The following GSR variants were observed in gnomAD, a reference collection of about 807,000 sequenced individuals.
GSR encodes the protein glutathione-disulfide reductase, also known as glutathione reductase, mitochondrial.
GSR carries 48 observed loss-of-function variants against 56.5 expected under a neutral mutation model. The observed-to-expected ratio is 0.85, with a 90% CI of 0.67 to 1.08. The LOEUF (loss-of-function observed/expected upper bound fraction) is 1.08, where lower values mean the gene tolerates loss of function less well. Among genes scored for constraint, GSR ranks in the 50% least tolerant of loss-of-function variants. GSR has a pLI of 0.00. For synonymous variants in GSR, 264 were observed against 270.8 expected, an observed-to-expected ratio of 0.97 and a Z score of 0.25; for missense variants, 694 against 703.3, an observed-to-expected ratio of 0.99 and a Z score of 0.15.
intron 12 of GSR, among the ~76,000 whole-genome samples, chr8:30,680,366 GC>G (rs1337084851): frequency 2.6e-4 from 38 of 144,862 alleles, no homozygotes; most frequent in Non-Finnish European, 4.2e-4. Context: ...ACAGCGCCTG[GC>G]CCTGGCCTCT....
chr8:30,711,119 G>A (rs377648620), intron 2 of GSR, among the ~76,000 whole-genome samples: 117 of 152,146 alleles, frequency 7.7e-4, no homozygotes, highest in Non-Finnish European at 2.8e-4. Flanking sequence ...CCTATACCAC[G>A]GAAAAGACTT....
At chr8:30,701,984 T>C (rs1392887264) in intron 5 of GSR, among the ~76,000 whole-genome samples, 1 of 150,456 alleles carries the variant, frequency 6.6e-6, no homozygotes, top group Non-Finnish European at 1.5e-5. Context: ...CTTAGTGAGC[T>C]GTGATCACAC....
rs1796083895 is a variant in GSR, at chr8:30,679,468, C to T, written c.*52G>A. ...AGTAAGTCAATGTGATTATTTGTTT[C>T]ATTTCAGAAGATCTATGGGTCCCAC... On this transcript the variant is annotated 3_prime_UTR_variant, in exon 13 of 13. Coordinates refer to ENST00000221130, the MANE Select transcript of GSR (RefSeq NM_000637.5). 6.5e-7 allele frequency: 1 copy of T among 1,547,510 alleles called. No homozygotes were observed. Among genetic ancestry groups the T allele is most frequent in the African/African-American group, 1.4e-5 (1 of 73,778 alleles).
Position 30,689,202 on chromosome 8 carries a change from C to T in GSR, c.1000G>A (p.Gly334Arg), listed in dbSNP as rs968581840. ...PDVDCLLWAIGRVPNTKDLSL... is the reference protein window; with the variant it reads ...PDVDCLLWAIRRVPNTKDLSL... ...AGGTCCTTGGTATTCGGGACCCGCC[C>T]AATGGCCCAGAGCAGGCAGTCAACA... Residue 334 changes from glycine to arginine, a missense_variant, in exon 9 of 13, where the codon GGG (glycine) becomes AGG (arginine). By Grantham distance (125) the Gly-to-Arg change is moderately radical (BLOSUM62 -2). Coordinates refer to ENST00000221130, the MANE Select transcript of GSR (RefSeq NM_000637.5). The T allele has an allele frequency of 6.2e-7, 1 of 1,614,048 alleles. No individual in the cohort carries two copies. Among genetic ancestry groups the T allele is most frequent in the Non-Finnish European group, 8.5e-7 (1 of 1,179,948 alleles).
intron 4 of GSR, among the ~76,000 whole-genome samples, chr8:30,704,213 T>G (rs1484209814): frequency 6.6e-6 from 1 of 152,092 alleles, no homozygotes; most frequent in Non-Finnish European, 1.5e-5. Context: ...TAATCCCAGC[T>G]GCTCAGGAGG....
intron 5 of GSR, among the ~76,000 whole-genome samples, chr8:30,701,027 C>T (rs1468374283): frequency 6.6e-6 from 1 of 152,094 alleles, no homozygotes; most frequent in Non-Finnish European, 1.5e-5. Flanking sequence ...TAGAACTGAA[C>T]CTTAATTTTA....
In GSR at chr8:30,678,950, G is replaced by A. The variant is rs1802840508; in HGVS notation, c.*570C>T. ...GGATCACCTGAAGGTGGGAGTTTGA[G>A]ACCAGCCTGACCAACATGGAGAAAC... On this transcript the variant is annotated 3_prime_UTR_variant, in exon 13 of 13. Transcript: ENST00000221130. The A allele has an allele frequency of 6.5e-6, 1 of 153,082 alleles. No homozygotes were observed. The highest frequency in any genetic ancestry group is 1.5e-5 in the Non-Finnish European group (1 of 68,820). The allele number at this position is 153,082 out of a possible 1,614,324, so 9.5% of individuals were successfully genotyped here. A position where few individuals can be genotyped will look rare whatever the true frequency, so the allele number is the denominator to read the frequency against.
At chr8:30,720,021 G>A (rs1804475879) in intron 1 of GSR, among the ~76,000 whole-genome samples, 1 of 152,044 alleles carries the variant, frequency 6.6e-6, no homozygotes, top group African/African-American at 2.4e-5. Flanking sequence ...ACCGGCCTGA[G>A]AAACATAGTA....
In GSR at chr8:30,681,808, C is replaced by T. The variant is rs1228309877; in HGVS notation, c.1285+122G>A. 15 of 931,376 alleles carry T rather than the reference C, an allele frequency of 1.6e-5. No individual in the cohort carries two copies. The Middle Eastern group carries it at 7.7e-4, about 48-fold the overall frequency. The allele number at this position is 931,376 out of a possible 1,614,324, so 57.7% of individuals were successfully genotyped here. The stretch of plus-strand genomic sequence containing the variant: ...ACTGGAACTGTGACAAGAGAGTAAC[C>T]AAAAAGCAATGTAATCTGGGGCTGA... On this transcript the variant is annotated intron_variant, in intron 11 of 12. Transcript: ENST00000221130.
intron 6 of GSR, among the ~76,000 whole-genome samples, chr8:30,699,606 G>T (rs1803659043): frequency 6.6e-6 from 1 of 151,540 alleles, no homozygotes; most frequent in Admixed American, 6.6e-5. Context: ...ACCACACCCA[G>T]CTAATTTCCA....
At chr8:30,710,014 T>A in intron 2 of GSR, 112 bp from the exon 3 acceptor site, 1 of 700,746 alleles carries the variant, frequency 1.4e-6, no homozygotes, top group Non-Finnish European at 2.5e-6. Context: ...AATACTGCCC[T>A]TTAAATTAAA....
Position 30,679,170 on chromosome 8 carries a change from T to G in GSR, c.*350A>C. On this transcript the variant is annotated 3_prime_UTR_variant, in exon 13 of 13. Coordinates refer to ENST00000221130, the MANE Select transcript of GSR (RefSeq NM_000637.5). ...GTCTCAAAAAAAAAAAAAAAAAAAG[T>G]AGCAAGTTCTATTCATTCAAGTACA... 5.5e-6 allele frequency: 1 copy of G among 182,786 alleles called. No individual in the cohort carries two copies. Among genetic ancestry groups the G allele is most frequent in the Non-Finnish European group, 1.1e-5 (1 of 92,452 alleles). 11.3% of individuals were successfully genotyped at this position (182,786 alleles called of 1,614,324 possible). A position where few individuals can be genotyped will look rare whatever the true frequency, so the allele number is the denominator to read the frequency against.
rs192868290 is a variant in GSR, at chr8:30,713,579, G to A, written c.307-1491C>T. 8.2e-3 allele frequency among the ~76,000 whole-genome samples: 1,247 copies of A among 151,916 alleles called. 8 individuals carry two copies. Among genetic ancestry groups the A allele is most frequent in the Non-Finnish European group, 0.012 (829 of 67,992 alleles). ...TCGCCTTGTTGGCCAGGCTGGTCTCGAACTCATGACCTCAAGTGATCCACA... is the reference window on the plus strand; with the variant it reads ...TCGCCTTGTTGGCCAGGCTGGTCTCAAACTCATGACCTCAAGTGATCCACA... On this transcript the variant is annotated intron_variant, in intron 1 of 12. Transcript: ENST00000221130.
chr8:30,699,644 A>C (rs967986854), intron 6 of GSR, among the ~76,000 whole-genome samples: 5 of 150,474 alleles, frequency 3.3e-5, no homozygotes, highest in African/African-American at 1.2e-4. Context: ...GGGTTTCACC[A>C]TGTTGGCCAG....
chr8:30,724,539 C>T (rs1439650195), intron 1 of GSR, among the ~76,000 whole-genome samples: 1 of 134,358 alleles, frequency 7.4e-6, no homozygotes, highest in Non-Finnish European at 1.5e-5. Flanking sequence ...TACCCAACCC[C>T]CCACCTTTTT....
chr8:30,719,587 T>C (rs1345515626), intron 1 of GSR, among the ~76,000 whole-genome samples: 1 of 151,798 alleles, frequency 6.6e-6, no homozygotes, highest in Non-Finnish European at 1.5e-5. Flanking sequence ...AGTAAATACA[T>C]CATCAAGGAG....
rs1803112577 is a variant in GSR at position 30,685,005 on chromosome 8, T to TGTCGCCCA, written c.1042-814_1042-807dup. Reference sequence around the variant, plus strand: ...TATTTATTGAGATGGAGTCTCGCTCTGTCGCCCAGGCTGGCGCGATCTAGG... The same window carrying TGTCGCCCA: ...TATTTATTGAGATGGAGTCTCGCTCTGTCGCCCAGTCGCCCAGGCTGGCGCGATCTAGG... On this transcript the variant is annotated intron_variant, in intron 9 of 12. Coordinates refer to ENST00000221130, the MANE Select transcript of GSR (RefSeq NM_000637.5). 2.0e-5 allele frequency among the ~76,000 whole-genome samples: 3 copies of TGTCGCCCA among 151,636 alleles called. No homozygotes were observed. In the South Asian group the frequency reaches 6.3e-4, roughly 32 times the overall value.
At chr8:30,711,598 G>A (rs1176503204) in intron 2 of GSR, among the ~76,000 whole-genome samples, 1 of 152,192 alleles carries the variant, frequency 6.6e-6, no homozygotes, top group Non-Finnish European at 1.5e-5. Flanking sequence ...TTGGGAGGCT[G>A]AGGTGGGCAG....
chr8:30,724,388 A>G (rs1804654753), intron 1 of GSR, among the ~76,000 whole-genome samples: 1 of 152,114 alleles, frequency 6.6e-6, no homozygotes, highest in East Asian at 1.9e-4. Context: ...CATTTTTCAA[A>G]CCACAACCTA....
Sources: gnomAD v4.1 joint callset for allele counts (sites outside exome capture counted in the v4.1 genomes callset) on GRCh38, gnomAD v4.1.1 for gene constraint, MANE v1.5 for transcripts, NCBI Gene and HGNC (gene_info 2026-07-23, HGNC 2026-07-21) for gene names.